Variants in C1orf105 observed in about 807,000 individuals in gnomAD.
C1orf105 encodes the protein uncharacterized protein C1orf105.
In C1orf105, 17 loss-of-function variants were observed where a neutral mutation model predicts 20.8. The observed-to-expected ratio is 0.82, with a 90% CI of 0.56 to 1.23. The LOEUF (loss-of-function observed/expected upper bound fraction) is 1.23, where lower values mean the gene tolerates loss of function less well. Ranked by LOEUF, C1orf105 falls within the 50% of genes most tolerant of loss-of-function variation. The pLI, the probability that C1orf105 is intolerant of heterozygous loss-of-function variation, is 0.00. For missense variants in C1orf105, 219 were observed against 213.5 expected, an observed-to-expected ratio of 1.03 and a Z score of -0.16; for synonymous variants, 72 against 72.1, an observed-to-expected ratio of 1.00 and a Z score of 0.01.
At chr1:172,449,686 G>C (rs942538081) in intron 3 of C1orf105, among the ~76,000 whole-genome samples, 1 of 152,170 alleles carries the variant, frequency 6.6e-6, no homozygotes, top group African/African-American at 2.4e-5. Flanking sequence ...CAACACCGGA[G>C]TTTCAGGGTC....
intron 1 of C1orf105, among the ~76,000 whole-genome samples, chr1:172,433,471 T>G (rs1292045110): frequency 6.6e-6 from 1 of 152,106 alleles, no homozygotes; most frequent in Non-Finnish European, 1.5e-5. Context: ...ACAAAAGAAT[T>G]TTCAACCCAG....
chr1:172,428,155 G>T (rs961522346), intron 1 of C1orf105, among the ~76,000 whole-genome samples: 1 of 152,156 alleles, frequency 6.6e-6, no homozygotes, highest in East Asian at 1.9e-4. Context: ...AATACATCAG[G>T]TAGCCCCACT....
At chr1:172,443,079 T>C (rs962922882) in intron 1 of C1orf105, 3 of 170,230 alleles carry the variant, frequency 1.8e-5, no homozygotes, top group African/African-American at 7.2e-5. Flanking sequence ...TTTCACTTAA[T>C]CCTCACCACC....
chr1:172,437,555 T>TG (rs1259735157), intron 1 of C1orf105, among the ~76,000 whole-genome samples: 1 of 99,738 alleles, frequency 1.0e-5, no homozygotes, highest in African/African-American at 4.0e-5. Flanking sequence ...TGACACAGGG[T>TG]GGGGAACATC....
chr1:172,425,366 G>A (rs1338887822), intron 1 of C1orf105, among the ~76,000 whole-genome samples: 1 of 152,182 alleles, frequency 6.6e-6, no homozygotes, highest in Non-Finnish European at 1.5e-5. Context: ...TAATATACCT[G>A]GAGGAAAATG....
intron 1 of C1orf105, among the ~76,000 whole-genome samples, chr1:172,424,537 C>A (rs943395473): frequency 6.6e-6 from 1 of 152,098 alleles, no homozygotes; most frequent in Non-Finnish European, 1.5e-5. Flanking sequence ...ACTACAGGTG[C>A]CTGCCACCAC....
Position 172,468,475 on chromosome 1 carries a change from C to G in C1orf105, c.433C>G (p.Leu145Val). 1 of 1,613,722 alleles carries G rather than the reference C, an allele frequency of 6.2e-7. No individual in the cohort carries two copies. Among genetic ancestry groups the G allele is most frequent in the Non-Finnish European group, 8.5e-7 (1 of 1,179,704 alleles). ...AAGCATTCACTACAGACTGCCCATT[C>G]TGGGCCCCAGGACAGCTGTCTTCCA... ...TESIHYRLPILGPRTAVFHGL... is the reference protein window; with the variant it reads ...TESIHYRLPIVGPRTAVFHGL... The change falls in exon 7 of 7, where the codon CTG (leucine) becomes GTG (valine). Residue 145 changes from leucine to valine, a missense_variant. Coordinates refer to ENST00000367727, the MANE Select transcript of C1orf105 (RefSeq NM_139240.4).
At position 172,421,876 on chromosome 1, in the gene C1orf105, G is replaced by T. The variant is rs909219799; in HGVS notation, c.21+970G>T. 3.9e-5 allele frequency among the ~76,000 whole-genome samples: 6 copies of T among 152,244 alleles called. No homozygotes were observed. The South Asian group carries it at 1.2e-3, about 32-fold the overall frequency. ...AGGGCACAGCGATTGTGGGACTCTA[G>T]AATTCAGTGCTGCCAATACGGGGCA... On this transcript the variant is annotated intron_variant, in intron 1 of 6. Transcript: ENST00000367727.
intron 1 of C1orf105, among the ~76,000 whole-genome samples, chr1:172,422,825 G>A (rs1289519036): frequency 1.3e-5 from 2 of 152,084 alleles, no homozygotes; most frequent in Non-Finnish European, 2.9e-5. Context: ...TGGGCCTTAA[G>A]TGAACATTGG....
In C1orf105 at chr1:172,430,401, A is replaced by G. The variant is rs192849173; in HGVS notation, c.21+9495A>G. ...CTGGATTGCTTGACATTTTCTTAAT[A>G]GAACGTTTAATGAATTTTTAATTTG... On this transcript the variant is annotated intron_variant, in intron 1 of 6. Coordinates refer to ENST00000367727, the MANE Select transcript of C1orf105 (RefSeq NM_139240.4). 412 of 634,758 alleles carry G rather than the reference A, an allele frequency of 6.5e-4. 1 individual carries two copies. In the African/African-American group the frequency reaches 6.5e-3, roughly 10 times the overall value. 39.3% of individuals were successfully genotyped at this position (634,758 alleles called of 1,614,324 possible).
intron 1 of C1orf105, among the ~76,000 whole-genome samples, chr1:172,425,887 C>T (rs1023615982): frequency 6.6e-6 from 1 of 151,414 alleles, no homozygotes; most frequent in African/African-American, 2.4e-5. Context: ...TCCCTACCCA[C>T]CCACTCACAC....
rs758269931 is a variant in C1orf105 at position 172,456,499 on chromosome 1, G to C, written c.273+10G>C. Reference sequence around the variant, plus strand: ...TCAAGAAATGAAAATGGTAGGCAAGGGGGAAGACAGAAATGGGCACAGGCA... The same window carrying C: ...TCAAGAAATGAAAATGGTAGGCAAGCGGGAAGACAGAAATGGGCACAGGCA... On this transcript the variant is annotated intron_variant, in intron 4 of 6. Coordinates refer to ENST00000367727, the MANE Select transcript of C1orf105 (RefSeq NM_139240.4). 1.9e-6 allele frequency: 3 copies of C among 1,612,066 alleles called. No homozygotes were observed. The highest frequency in any genetic ancestry group is 2.5e-6 in the Non-Finnish European group (3 of 1,179,510).
chr1:172,458,351 A>G (rs1179190011), intron 4 of C1orf105, among the ~76,000 whole-genome samples: 1 of 152,248 alleles, frequency 6.6e-6, no homozygotes, highest in African/African-American at 2.4e-5. Context: ...TATTAGAGCT[A>G]ATAAATGAGT....
At chr1:172,465,552 A>AC in intron 6 of C1orf105, 189 bp downstream of exon 6, 1 of 680,266 alleles carries the variant, frequency 1.5e-6, no homozygotes, top group East Asian at 2.8e-5. Context: ...CTCCAGCACC[A>AC]CCTGTGCCCT....
intron 1 of C1orf105, among the ~76,000 whole-genome samples, chr1:172,431,845 C>G (rs1358899967): frequency 6.6e-6 from 1 of 152,230 alleles, no homozygotes; most frequent in Non-Finnish European, 1.5e-5. Context: ...CCAAGGGAAG[C>G]CGTGACAGAC....
intron 3 of C1orf105, among the ~76,000 whole-genome samples, chr1:172,455,293 G>A (rs1649116574): frequency 6.6e-6 from 1 of 152,002 alleles, no homozygotes. Flanking sequence ...GGTCATCCTA[G>A]GAGCACACCT....
Position 172,462,158 on chromosome 1 carries a change from A to G in C1orf105, c.274-20A>G. On this transcript the variant is annotated intron_variant, in intron 4 of 6. Transcript: ENST00000367727. ...AAATGCAGTTACAGGCAACGTTCTAAATGAGACTTTCTTCTTGAGGTACAA... is the reference window on the plus strand; with the variant it reads ...AAATGCAGTTACAGGCAACGTTCTAGATGAGACTTTCTTCTTGAGGTACAA... 1 of 1,587,830 alleles carries G rather than the reference A, an allele frequency of 6.3e-7. No homozygotes were observed. The highest frequency in any genetic ancestry group is 8.6e-7 in the Non-Finnish European group (1 of 1,160,184).
At chr1:172,424,454 G>A (rs914405235) in intron 1 of C1orf105, among the ~76,000 whole-genome samples, 7 of 152,312 alleles carry the variant, frequency 4.6e-5, no homozygotes, top group Middle Eastern at 3.4e-3. Flanking sequence ...GCAGTGGCAC[G>A]ATCCCGGCTC....
At chr1:172,430,280 AT>A (rs1558124721) in intron 1 of C1orf105, 2 of 701,260 alleles carry the variant, frequency 2.9e-6, no homozygotes, top group Non-Finnish European at 5.2e-6. Context: ...CTTTATACCA[AT>A]TGTTTTCTAG....
Sources: allele counts gnomAD v4.1 joint callset (sites outside exome capture counted in the v4.1 genomes callset), GRCh38; gene constraint gnomAD v4.1.1; transcripts MANE v1.5; gene names NCBI Gene and HGNC (gene_info 2026-07-23, HGNC 2026-07-21).